PTPN22: variants seen among roughly 807,000 people sequenced by gnomAD.
PTPN22 encodes protein tyrosine phosphatase non-receptor type 22.
PTPN22 carries 85 observed loss-of-function variants against 103.3 expected under a neutral mutation model. The observed-to-expected ratio is 0.82, with a 90% CI of 0.69 to 0.99. The LOEUF (loss-of-function observed/expected upper bound fraction) is 0.99. Among genes scored for constraint, PTPN22 ranks in the 50% least tolerant of loss-of-function variants. PTPN22 has a pLI of 0.00. For synonymous variants in PTPN22, 323 were observed against 310.2 expected, an observed-to-expected ratio of 1.04 and a Z score of -0.43; for missense variants, 865 against 936.9, an observed-to-expected ratio of 0.92 and a Z score of 1.00.
chr1:113,816,413 G>A (rs1337277960), intron 20 of PTPN22, among the ~76,000 whole-genome samples: 3 of 145,954 alleles, frequency 2.1e-5, no homozygotes, highest in Non-Finnish European at 4.5e-5. Flanking sequence ...GGAGGTCAAG[G>A]CTGCAGAGGG....
At chr1:113,859,448 G>C in exon 2 of PTPN22, 1 of 1,611,958 alleles carries the variant, frequency 6.2e-7, no homozygotes, top group South Asian at 1.1e-5. Context: ...TTGGTAGATT[G>C]CCTTTTCAGC....
intron 18 of PTPN22, among the ~76,000 whole-genome samples, chr1:113,827,884 C>T (rs1383874014): frequency 1.3e-5 from 2 of 152,152 alleles, no homozygotes; most frequent in African/African-American, 4.8e-5. Flanking sequence ...ATTGAGTGTG[C>T]TTATTTCCCC....
chr1:113,838,023 TTC>T lies in PTPN22; in HGVS notation c.1375_1376del (p.Glu459AsnfsTer19), dbSNP rs1315022851. 8.7e-6 allele frequency: 14 copies of T among 1,613,946 alleles called. No homozygotes were observed. The highest frequency in any genetic ancestry group is 1.2e-5 in the Non-Finnish European group (14 of 1,180,036). Reference sequence around the variant, plus strand: ...TTTCCTTGCTGTCCACCTCCTTGGTTTCTCTCTGCTGTATCAATTCAAAAGGA... The same window carrying T: ...TTTCCTTGCTGTCCACCTCCTTGGTTTCTCTGCTGTATCAATTCAAAAGGA... On this transcript the variant is annotated frameshift_variant, in exon 13 of 21. Transcript: ENST00000359785. LOFTEE classifies it high-confidence loss of function.
intron 11 of PTPN22, among the ~76,000 whole-genome samples, chr1:113,845,201 T>G (rs1558038653): frequency 9.6e-6 from 1 of 103,786 alleles, no homozygotes; most frequent in Non-Finnish European, 2.2e-5. Flanking sequence ...TTTGTTTTTG[T>G]TTTTTTTTTT....
chr1:113,837,733 T>A, exon 13 of PTPN22: 7 of 1,613,100 alleles, frequency 4.3e-6, no homozygotes, highest in Non-Finnish European at 5.9e-6. Context: ...TCCATCTTGC[T>A]TCTCAGGTAA....
At position 113,854,562 on chromosome 1, in the gene PTPN22, T is replaced by C. The variant is rs772314673; in HGVS notation, c.684-25A>G. 4.4e-6 allele frequency: 7 copies of C among 1,588,428 alleles called. No individual in the cohort carries two copies. In the South Asian group the frequency reaches 7.7e-5, roughly 18 times the overall value. ...ACTGAAATGAAAGATCACAGTAGCA[T>C]GTATGCATGTATACCTAGAGAGAAT... is the stretch of plus-strand genomic sequence containing the variant. On this transcript the variant is annotated intron_variant, in intron 8 of 20. Coordinates refer to ENST00000359785, the Ensembl canonical transcript of PTPN22.
chr1:113,819,584 C>T (rs1661425513), exon 20 of PTPN22: 2 of 1,601,694 alleles, frequency 1.2e-6, no homozygotes, highest in South Asian at 1.1e-5. Context: ...TACCAAAATT[C>T]AGAAATGAGC....
At chr1:113,837,800 T>C in exon 13 of PTPN22, 1 of 1,613,966 alleles carries the variant, frequency 6.2e-7, no homozygotes, top group Non-Finnish European at 8.5e-7. Context: ...AAATAAGGAT[T>C]TTCCACTAAA....
At chr1:113,833,017 C>G in intron 16 of PTPN22, 94 bp downstream of exon 16, 2 of 1,234,396 alleles carry the variant, frequency 1.6e-6, no homozygotes, top group Non-Finnish European at 1.2e-6. Flanking sequence ...TTATGGGAAC[C>G]AAGTAACTTC....
At chr1:113,868,832 T>C (rs1187340313) in intron 1 of PTPN22, among the ~76,000 whole-genome samples, 3 of 152,108 alleles carry the variant, frequency 2.0e-5, no homozygotes, top group African/African-American at 7.2e-5. Flanking sequence ...GCTTTATAAT[T>C]ATACTTAAAT....
intron 10 of PTPN22, among the ~76,000 whole-genome samples, chr1:113,851,581 A>C (rs939109013): frequency 3.3e-5 from 5 of 152,220 alleles, no homozygotes; most frequent in African/African-American, 1.2e-4. Context: ...AGTGTTTCCT[A>C]AAACGAGCAC....
intron 19 of PTPN22, 60 bp downstream of exon 19, chr1:113,825,082 A>G (rs2101897677): frequency 8.3e-7 from 1 of 1,203,068 alleles, no homozygotes; most frequent in East Asian, 2.5e-5. Context: ...TTGGTTGGTT[A>G]TATAAATAAA....
exon 4 of PTPN22, chr1:113,858,516 G>A: frequency 6.2e-7 from 1 of 1,607,302 alleles, no homozygotes; most frequent in Non-Finnish European, 8.5e-7. Flanking sequence ...CAGAAGTCCA[G>A]GAGGGTTGTA....
rs763300069 is a variant in PTPN22 at position 113,848,639 on chromosome 1, A to G, written c.829-13T>C. The G allele has an allele frequency of 3.1e-6, 5 of 1,595,774 alleles. No homozygotes were observed. The highest frequency in any genetic ancestry group is 3.4e-6 in the Non-Finnish European group (4 of 1,175,202). The stretch of plus-strand genomic sequence containing the variant: ...GTTCATATTGTTCCTGAAGAGCATC[A>G]CAACCCAGAACAAATGAAAACAAAA... On this transcript the variant is annotated splice_polypyrimidine_tract_variant and intron_variant, in intron 10 of 20. Coordinates refer to ENST00000359785, the Ensembl canonical transcript of PTPN22.
chr1:113,863,925 A>T (rs10598679), intron 1 of PTPN22, among the ~76,000 whole-genome samples: 2,598 of 19,694 alleles, frequency 0.13, 29 homozygotes, highest in African/African-American at 0.2. Context: ...ATATATATAT[A>T]TATTTTTTTT....
intron 5 of PTPN22, chr1:113,857,458 A>G (rs949517954): frequency 4.3e-5 from 13 of 300,620 alleles, no homozygotes; most frequent in African/African-American, 2.6e-4. Flanking sequence ...CTGGCAGTTA[A>G]AGATATCTAA....
chr1:113,815,579 G>A (rs1346278455), intron 20 of PTPN22: 2 of 152,198 alleles, frequency 1.3e-5, no homozygotes, highest in African/African-American at 4.8e-5. Context: ...GGCTATTTCT[G>A]GATGCTTTCA....
At chr1:113,871,719 G>C, upstream of PTPN22, 1 of 1,051,362 alleles carries the variant, frequency 9.5e-7, no homozygotes, top group Non-Finnish European at 1.5e-6. Context: ...CACTGCTGCC[G>C]CCTGAGCAGA....
At chr1:113,849,988 G>A (rs1259171749) in intron 10 of PTPN22, among the ~76,000 whole-genome samples, 1 of 151,760 alleles carries the variant, frequency 6.6e-6, no homozygotes, top group East Asian at 2.0e-4. Flanking sequence ...GAAATCAGGA[G>A]TTCAAGACCA....
Sources: allele counts gnomAD v4.1 joint callset (sites outside exome capture counted in the v4.1 genomes callset), GRCh38; gene constraint gnomAD v4.1.1; transcripts MANE v1.5; gene names NCBI Gene and HGNC (gene_info 2026-07-23, HGNC 2026-07-21).